CMIP: variants seen among roughly 807,000 people sequenced by gnomAD.
CMIP encodes c-Maf inducing protein.
CMIP carries 13 observed loss-of-function variants against 97.3 expected under a neutral mutation model. That is an observed-to-expected ratio of 0.13 (90% confidence interval 0.09 to 0.21). The LOEUF (loss-of-function observed/expected upper bound fraction) is 0.21. CMIP is among the 10% of genes least tolerant of loss of function. The probability of loss-of-function intolerance (pLI) is 1.00; values close to 1 mark genes in which losing one functional copy is unlikely to be tolerated. For missense variants in CMIP, 847 were observed against 1,024.9 expected (o/e 0.83, Z 2.37); for synonymous variants, 538 against 436.3 (o/e 1.23, Z -2.91).
chr16:81,518,674 A>C (rs754452111), intron 1 of CMIP: 3 of 152,204 alleles, frequency 2.0e-5, no homozygotes, highest in African/African-American at 7.2e-5. Flanking sequence ...GTAACTGTCT[A>C]CCTGCTTCCT....
intron 1 of CMIP, among the ~76,000 whole-genome samples, chr16:81,546,763 C>G (rs946724382): frequency 6.6e-6 from 1 of 152,204 alleles, no homozygotes; most frequent in African/African-American, 2.4e-5. Context: ...GGGAGCTAGA[C>G]ATCCCTCTAG....
chr16:81,591,947 C>T (rs2091472966), intron 1 of CMIP, among the ~76,000 whole-genome samples: 1 of 151,686 alleles, frequency 6.6e-6, no homozygotes, highest in Non-Finnish European at 1.5e-5. Context: ...CCTCAGCCTC[C>T]CAGGTAGCTG....
chr16:81,570,680 G>A (rs941509521), intron 1 of CMIP, among the ~76,000 whole-genome samples: 5 of 152,120 alleles, frequency 3.3e-5, no homozygotes, highest in African/African-American at 1.2e-4. Context: ...GCAAAAACGC[G>A]GTCCTGTTTG....
At chr16:81,596,686 C>T (rs2091563247) in intron 1 of CMIP, among the ~76,000 whole-genome samples, 1 of 152,080 alleles carries the variant, frequency 6.6e-6, no homozygotes, top group Non-Finnish European at 1.5e-5. Flanking sequence ...TTTTCCAGCG[C>T]CATCCCTCCA....
intron 1 of CMIP, chr16:81,476,208 T>A: frequency 7.4e-7 from 1 of 1,349,834 alleles, no homozygotes; most frequent in Non-Finnish European, 1.1e-6. Flanking sequence ...TTGTGTTGGG[T>A]CCAGCATTTG....
chr16:81,699,506 C>A (rs546696914), intron 14 of CMIP, among the ~76,000 whole-genome samples, 179 bp from the exon 15 acceptor site: 1 of 152,258 alleles, frequency 6.6e-6, no homozygotes, highest in East Asian at 1.9e-4. Flanking sequence ...TGGGTTAGAT[C>A]GTGTGCCAGG....
In CMIP at chr16:81,492,495, C is replaced by T. The variant is rs115924163; in HGVS notation, c.300+46954C>T. ...CCTTCTGCCCAGGCTCTCCCTTCCTCCTCTGGCTGCAGAGCAGGGAGGGGT... is the reference window on the plus strand; with the variant it reads ...CCTTCTGCCCAGGCTCTCCCTTCCTTCTCTGGCTGCAGAGCAGGGAGGGGT... On this transcript the variant is annotated intron_variant, in intron 1 of 20. Coordinates refer to ENST00000537098, the MANE Select transcript of CMIP (RefSeq NM_198390.3). 3.0e-3 allele frequency among the ~76,000 whole-genome samples: 458 copies of T among 152,286 alleles called. 3 individuals are homozygous for T. Among genetic ancestry groups the T allele is most frequent in the African/African-American group, 0.011 (440 of 41,572 alleles).
chr16:81,498,448 C>T (rs562960806), intron 1 of CMIP, among the ~76,000 whole-genome samples: 3 of 152,334 alleles, frequency 2.0e-5, no homozygotes, highest in East Asian at 1.9e-4. Context: ...CCCCCTGGGG[C>T]TGCTCGGCAG....
chr16:81,640,617 C>G (rs1315467002), intron 3 of CMIP, among the ~76,000 whole-genome samples: 1 of 152,160 alleles, frequency 6.6e-6, no homozygotes, highest in Non-Finnish European at 1.5e-5. Flanking sequence ...GGCCACATTG[C>G]TTCTGAGACT....
chr16:81,549,329 C>T (rs56109774), intron 1 of CMIP, among the ~76,000 whole-genome samples: 4,503 of 152,288 alleles, frequency 0.03, 78 homozygotes, highest in Non-Finnish European at 0.038. Flanking sequence ...TGGAAAATGC[C>T]GGGCTTGCAA....
intron 1 of CMIP, among the ~76,000 whole-genome samples, chr16:81,583,291 G>A (rs1229564247): frequency 1.3e-5 from 2 of 152,216 alleles, no homozygotes; most frequent in African/African-American, 2.4e-5. Flanking sequence ...CCCTGTCACC[G>A]GCACTTCCCC....
chr16:81,672,645 A>G (rs2092693310), intron 9 of CMIP, among the ~76,000 whole-genome samples: 2 of 152,158 alleles, frequency 1.3e-5, no homozygotes, highest in Non-Finnish European at 2.9e-5. Context: ...GTGCAGTCAT[A>G]GCTCACTGCA....
intron 1 of CMIP, among the ~76,000 whole-genome samples, chr16:81,552,271 G>A (rs1597548597): frequency 6.6e-6 from 1 of 152,208 alleles, no homozygotes; most frequent in African/African-American, 2.4e-5. Context: ...GATAAGGGCT[G>A]GCTGGTGGTT....
chr16:81,544,086 G>T (rs2090498260), intron 1 of CMIP, among the ~76,000 whole-genome samples: 1 of 152,204 alleles, frequency 6.6e-6, no homozygotes, highest in Non-Finnish European at 1.5e-5. Context: ...CCAGAAGAGG[G>T]GAAAGGAGAG....
At chr16:81,682,198 C>T (rs560946551) in intron 10 of CMIP, among the ~76,000 whole-genome samples, 11 of 151,722 alleles carry the variant, frequency 7.3e-5, no homozygotes, top group African/African-American at 2.4e-4. Context: ...AGCAAGACTC[C>T]ATCTCAATAA....
intron 3 of CMIP, among the ~76,000 whole-genome samples, chr16:81,639,080 C>T (rs1423044382): frequency 2.0e-5 from 3 of 152,218 alleles, no homozygotes; most frequent in Non-Finnish European, 2.9e-5. Context: ...CTTCAAGGAC[C>T]GGAGCTCAGG....
At chr16:81,698,290 C>G (rs1196927254) in intron 14 of CMIP, among the ~76,000 whole-genome samples, 1 of 152,194 alleles carries the variant, frequency 6.6e-6, no homozygotes, top group Non-Finnish European at 1.5e-5. Context: ...TCCCCCCAGC[C>G]CCGGTGACCG....
At chr16:81,514,856 C>T (rs1460329431) in intron 1 of CMIP, among the ~76,000 whole-genome samples, 3 of 152,194 alleles carry the variant, frequency 2.0e-5, no homozygotes, top group Non-Finnish European at 4.4e-5. Context: ...TGCCAGTGTG[C>T]GCCATGGTGG....
intron 1 of CMIP, among the ~76,000 whole-genome samples, chr16:81,602,935 G>T (rs1272258140): frequency 2.6e-5 from 4 of 152,218 alleles, no homozygotes; most frequent in African/African-American, 7.2e-5. Flanking sequence ...GAACGGCAGA[G>T]GTGCCTGGGC....
Sources: allele counts gnomAD v4.1 joint callset (sites outside exome capture counted in the v4.1 genomes callset), GRCh38; gene constraint gnomAD v4.1.1; transcripts MANE v1.5; gene names NCBI Gene and HGNC (gene_info 2026-07-23, HGNC 2026-07-21).